The following STPG2 variants were observed in gnomAD, a reference collection of about 807,000 sequenced individuals.
STPG2 encodes sperm-tail PG-rich repeat-containing protein 2.
A neutral mutation model predicts 54.2 loss-of-function variants in STPG2; 56 were observed. The observed-to-expected ratio is 1.03, with a 90% CI of 0.83 to 1.29. The LOEUF (loss-of-function observed/expected upper bound fraction) is 1.29, where lower values mean the gene tolerates loss of function less well. STPG2 is among the 50% of genes most tolerant of loss of function. The pLI, the probability that STPG2 is intolerant of heterozygous loss-of-function variation, is 0.00. For synonymous variants in STPG2, 200 were observed against 181.8 expected, an observed-to-expected ratio of 1.10 and a Z score of -0.81; for missense variants, 596 against 544.9, an observed-to-expected ratio of 1.09 and a Z score of -0.93.
chr4:97,756,542 T>C (rs983420363), intron 9 of STPG2, among the ~76,000 whole-genome samples: 2 of 151,994 alleles, frequency 1.3e-5, no homozygotes, highest in Non-Finnish European at 2.9e-5. Flanking sequence ...GCCAGGCTGG[T>C]CTCCAACTCC....
At chr4:97,791,714 A>C (rs1417766989) in intron 9 of STPG2, among the ~76,000 whole-genome samples, 2 of 152,098 alleles carry the variant, frequency 1.3e-5, no homozygotes, top group African/African-American at 4.8e-5. Flanking sequence ...TTTGAAGTTA[A>C]TGACACAGTA....
intron 5 of STPG2, among the ~76,000 whole-genome samples, chr4:98,022,390 G>C (rs1736244388): frequency 6.6e-6 from 1 of 152,182 alleles, no homozygotes; most frequent in African/African-American, 2.4e-5. Context: ...GAGATCCACT[G>C]TTAGTCTGAT....
At chr4:98,078,558 C>T (rs2110113896) in intron 5 of STPG2, among the ~76,000 whole-genome samples, 1 of 150,730 alleles carries the variant, frequency 6.6e-6, no homozygotes. Context: ...TGAACAAAGC[C>T]TTGCAATAGA....
intron 5 of STPG2, among the ~76,000 whole-genome samples, chr4:98,024,862 A>G (rs967387177): frequency 6.6e-5 from 10 of 152,228 alleles, no homozygotes; most frequent in Non-Finnish European, 1.0e-4. Context: ...TTTAAAAATA[A>G]AGTTTTATTT....
intron 8 of STPG2, among the ~76,000 whole-genome samples, chr4:97,884,306 C>G (rs1176461208): frequency 6.6e-6 from 1 of 152,158 alleles, no homozygotes; most frequent in Non-Finnish European, 1.5e-5. Context: ...CCCTAACCCT[C>G]AGTACCTCAA....
chr4:97,881,395 G>A (rs1460467920), intron 8 of STPG2, among the ~76,000 whole-genome samples: 2 of 151,986 alleles, frequency 1.3e-5, no homozygotes, highest in Non-Finnish European at 2.9e-5. Flanking sequence ...TGTTATTTTA[G>A]TAGTTATTCT....
At chr4:97,478,431 T>A (rs903423254) in intron 4 of STPG2, among the ~76,000 whole-genome samples, 1 of 152,166 alleles carries the variant, frequency 6.6e-6, no homozygotes, top group Non-Finnish European at 1.5e-5. Flanking sequence ...GGACAGCAAC[T>A]TGAAATATGA....
intron 5 of STPG2, among the ~76,000 whole-genome samples, chr4:98,031,325 T>C (rs1004917801): frequency 6.6e-6 from 1 of 152,184 alleles, no homozygotes; most frequent in African/African-American, 2.4e-5. Flanking sequence ...GGAACCCTTC[T>C]AGATATTGGC....
intron 10 of STPG2, among the ~76,000 whole-genome samples, chr4:97,594,584 T>A (rs140734543): frequency 6.6e-6 from 1 of 152,278 alleles, no homozygotes; most frequent in African/African-American, 2.4e-5. Context: ...TTCAGAATAT[T>A]GTTCATGAAA....
chr4:98,084,059 G>C (rs945541573), intron 5 of STPG2, among the ~76,000 whole-genome samples: 3 of 151,934 alleles, frequency 2.0e-5, no homozygotes, highest in Non-Finnish European at 2.9e-5. Flanking sequence ...GCAGAGGCCA[G>C]GTCTTGAACT....
At chr4:97,730,386 C>G (rs1266760089) in intron 9 of STPG2, among the ~76,000 whole-genome samples, 1 of 152,172 alleles carries the variant, frequency 6.6e-6, no homozygotes, top group African/African-American at 2.4e-5. Context: ...ACGACATTTT[C>G]TTTATCCAAT....
At chr4:98,077,307 G>A (rs1199838044) in intron 5 of STPG2, among the ~76,000 whole-genome samples, 4 of 151,938 alleles carry the variant, frequency 2.6e-5, no homozygotes, top group African/African-American at 7.3e-5. Flanking sequence ...GCAGTGGCAC[G>A]ATCTCAGCTC....
intron 8 of STPG2, among the ~76,000 whole-genome samples, chr4:97,907,294 G>A (rs1464184976): frequency 2.0e-5 from 3 of 151,752 alleles, no homozygotes; most frequent in African/African-American, 7.3e-5. Context: ...AAAATACCTA[G>A]GAATCCAACT....
intron 10 of STPG2, among the ~76,000 whole-genome samples, chr4:97,675,356 G>T (rs1377734047): frequency 2.0e-5 from 3 of 151,988 alleles, no homozygotes; most frequent in East Asian, 1.9e-4. Flanking sequence ...ATGATTATAT[G>T]AATTAATTAT....
intron 8 of STPG2, among the ~76,000 whole-genome samples, chr4:97,908,562 A>T (rs1335003325): frequency 6.6e-6 from 1 of 152,064 alleles, no homozygotes; most frequent in African/African-American, 2.4e-5. Flanking sequence ...AGACACATGC[A>T]CACATATGTT....
At chr4:98,050,867 T>C (rs4388092) in intron 5 of STPG2, among the ~76,000 whole-genome samples, 59,767 of 151,206 alleles carry the variant, frequency 0.4, 12,005 homozygotes, top group Middle Eastern at 0.47. Flanking sequence ...TAGCCGGGCG[T>C]GGTGTCGGAC....
At chr4:97,859,705 C>T (rs575922360) in intron 8 of STPG2, among the ~76,000 whole-genome samples, 14 of 152,008 alleles carry the variant, frequency 9.2e-5, no homozygotes, top group South Asian at 2.1e-4. Flanking sequence ...CCTCGTGATC[C>T]GCCAACTTGG....
intron 10 of STPG2, among the ~76,000 whole-genome samples, chr4:97,565,431 A>C (rs184072563): frequency 1.3e-5 from 2 of 152,042 alleles, no homozygotes; most frequent in African/African-American, 2.4e-5. Context: ...TCTTCTCTCA[A>C]CTCGTCAAAG....
At chr4:97,943,021 C>G (rs915767661) in intron 8 of STPG2, among the ~76,000 whole-genome samples, 1 of 152,126 alleles carries the variant, frequency 6.6e-6, no homozygotes, top group African/African-American at 2.4e-5. Flanking sequence ...TTATTTCTCA[C>G]AGGTCTGCAG....
Sources: allele counts gnomAD v4.1 joint callset (sites outside exome capture counted in the v4.1 genomes callset), GRCh38; gene constraint gnomAD v4.1.1; transcripts MANE v1.5; gene names NCBI Gene and HGNC (gene_info 2026-07-23, HGNC 2026-07-21).